The following ZNF676 variants were observed in gnomAD, a reference collection of about 807,000 sequenced individuals.
The protein encoded by ZNF676 is zinc finger protein 676.
Under a neutral mutation model 6.0 loss-of-function variants are expected in ZNF676, and 4 were observed. The observed-to-expected ratio is 0.67, with a 90% confidence interval of 0.33 to 1.53. The LOEUF is 1.53. Ranked by LOEUF, ZNF676 falls within the 40% of genes most tolerant of loss-of-function variation. The pLI, the probability that ZNF676 is intolerant of heterozygous loss-of-function variation, is 0.06. For missense variants in ZNF676, 644 were observed against 679.7 expected, an observed-to-expected ratio of 0.95 and a Z score of 0.58; for synonymous variants, 198 against 223.1, an observed-to-expected ratio of 0.89 and a Z score of 1.00.
the ZNF676 span, among the ~76,000 whole-genome samples, chr19:22,231,712 C>T: frequency 6.6e-6 from 1 of 151,324 alleles, no homozygotes; most frequent in Non-Finnish European, 1.5e-5. Context: ...AAGTGATTCT[C>T]CTGCCTCAGC....
At chr19:22,236,198 C>T in the ZNF676 span, among the ~76,000 whole-genome samples, 1,925 of 149,958 alleles carry the variant, frequency 0.013, 39 homozygotes, top group African/African-American at 0.043. Context: ...TTTGGCTTTT[C>T]CCACCCTAAT....
Position 22,189,339 on chromosome 19 carries a change from T to G in ZNF676, c.130+3677A>C, listed in dbSNP as rs190124871. ...TGAAACTGGACCCCTTCCTTACACC[T>G]TATACAAAAATTAACTCAAATTGAT... On this transcript the variant is annotated intron_variant, in intron 2 of 2. Coordinates refer to ENST00000397121, the MANE Select transcript of ZNF676 (RefSeq NM_001001411.3). 1.4e-3 allele frequency among the ~76,000 whole-genome samples: 216 copies of G among 152,232 alleles called. 1 individual carries two copies. The highest frequency in any genetic ancestry group is 2.4e-3 in the Non-Finnish European group (160 of 68,012).
rs529239131 is a variant in ZNF676 at position 22,181,033 on chromosome 19, T to C, written c.684A>G (p.Glu228=). Residue 228 remains glutamate (E), a synonymous_variant, in exon 3 of 3, where the codon GAA becomes GAG. Coordinates refer to ENST00000397121, the MANE Select transcript of ZNF676 (RefSeq NM_001001411.3). ...IHTGEKPYKC[E]ECGKAFNRSS... ...ATCGATTAAAAGCTTTGCCACATTC[T>C]TCACATTTGTAGGGTTTCTCTCCAG... is the stretch of plus-strand genomic sequence containing the variant. The C allele has an allele frequency of 3.8e-6, 6 of 1,570,914 alleles. No homozygotes were observed. In the East Asian group the frequency reaches 1.4e-4, roughly 37 times the overall value.
intron 1 of ZNF676, among the ~76,000 whole-genome samples, chr19:22,196,158 G>A (rs571674441): frequency 8.5e-5 from 13 of 152,226 alleles, no homozygotes; most frequent in African/African-American, 2.4e-4. Flanking sequence ...GACCAACTCA[G>A]CATTCCACTG....
the ZNF676 span, among the ~76,000 whole-genome samples, chr19:22,241,371 CTG>C: frequency 6.6e-6 from 1 of 151,968 alleles, no homozygotes; most frequent in Non-Finnish European, 1.5e-5. Context: ...CTCCTGAAGA[CTG>C]TGTCCCCTTA....
intron 1 of ZNF676, among the ~76,000 whole-genome samples, chr19:22,213,270 ATT>A (rs111502326): frequency 6.6e-6 from 1 of 151,898 alleles, no homozygotes; most frequent in African/African-American, 2.4e-5. Context: ...TTGGAGTGCT[ATT>A]TTTTTCCACA....
chr19:22,182,755 A>C (rs1168415760), intron 2 of ZNF676, among the ~76,000 whole-genome samples: 2 of 151,846 alleles, frequency 1.3e-5, no homozygotes, highest in African/African-American at 4.8e-5. Context: ...AAGATGCTGA[A>C]AGTAGTTCTT....
At chr19:22,214,617 A>C (rs996496083) in intron 1 of ZNF676, among the ~76,000 whole-genome samples, 3 of 149,198 alleles carry the variant, frequency 2.0e-5, no homozygotes, top group African/African-American at 7.7e-5. Context: ...AAAAAAAAAA[A>C]ATCTAATTCA....
At chr19:22,242,847 G>T in the ZNF676 span, among the ~76,000 whole-genome samples, 1 of 151,734 alleles carries the variant, frequency 6.6e-6, no homozygotes, top group South Asian at 2.1e-4. Flanking sequence ...CCAAGTTGGG[G>T]GGGGGCTCTC....
At chr19:22,235,038 A>AAAAG in the ZNF676 span, among the ~76,000 whole-genome samples, 2 of 150,344 alleles carry the variant, frequency 1.3e-5, no homozygotes, top group African/African-American at 4.9e-5. Context: ...GAAAGAAAAG[A>AAAAG]AAAGAAGGAA....
At chr19:22,235,386 A>G in the ZNF676 span, among the ~76,000 whole-genome samples, 4 of 152,164 alleles carry the variant, frequency 2.6e-5, no homozygotes, top group African/African-American at 9.7e-5. Context: ...CACTCAATAA[A>G]TGGGCCAGAG....
chr19:22,220,077 A>G (rs1381128186), upstream of ZNF676, among the ~76,000 whole-genome samples: 1 of 152,236 alleles, frequency 6.6e-6, no homozygotes, highest in Admixed American at 6.5e-5. Context: ...TGAGATAATC[A>G]TATAATTTTT....
chr19:22,241,613 G>GA, the ZNF676 span, among the ~76,000 whole-genome samples: 16 of 151,340 alleles, frequency 1.1e-4, no homozygotes, highest in Non-Finnish European at 1.9e-4. Context: ...GCCCTGTGAG[G>GA]ACGGTCTCTC....
chr19:22,225,472 A>T, the ZNF676 span, among the ~76,000 whole-genome samples: 7 of 152,222 alleles, frequency 4.6e-5, no homozygotes, highest in South Asian at 1.2e-3. Flanking sequence ...CAATTTATAA[A>T]TAAGATTGTT....
the ZNF676 span, among the ~76,000 whole-genome samples, chr19:22,222,069 A>G: frequency 6.6e-6 from 1 of 152,028 alleles, no homozygotes; most frequent in Non-Finnish European, 1.5e-5. Context: ...GAAAATTTAT[A>G]CTTCTGAAGC....
At position 22,179,674 on chromosome 19, in the gene ZNF676, A is replaced by G; in HGVS notation, c.*276T>C. 1.5e-6 allele frequency: 1 copy of G among 660,932 alleles called. No homozygotes were observed. Among genetic ancestry groups the G allele is most frequent in the Non-Finnish European group, 2.8e-6 (1 of 362,442 alleles). The allele number at this position is 660,932 out of a possible 1,614,324, so 40.9% of individuals were successfully genotyped here. A position where few individuals can be genotyped will look rare whatever the true frequency, so the allele number is the denominator to read the frequency against. On this transcript the variant is annotated 3_prime_UTR_variant, in exon 3 of 3. Coordinates refer to ENST00000397121, the MANE Select transcript of ZNF676 (RefSeq NM_001001411.3). ...AGTAGTAAGGTGTGAGGAACAGTTG[A>G]AGTCTTTATCACATTCTTCGCATTT...
At chr19:22,207,434 G>A (rs1268885965) in intron 1 of ZNF676, among the ~76,000 whole-genome samples, 1 of 152,128 alleles carries the variant, frequency 6.6e-6, no homozygotes, top group Non-Finnish European at 1.5e-5. Flanking sequence ...AATGCTTAAA[G>A]AAGCCAGAGA....
chr19:22,241,438 A>C, the ZNF676 span, among the ~76,000 whole-genome samples: 11 of 151,826 alleles, frequency 7.2e-5, no homozygotes, highest in African/African-American at 2.7e-4. Flanking sequence ...TAACCAACCC[A>C]CCTATGGATC....
At chr19:22,256,204 G>T in the ZNF676 span, among the ~76,000 whole-genome samples, 1 of 152,214 alleles carries the variant, frequency 6.6e-6, no homozygotes, top group Non-Finnish European at 1.5e-5. Context: ...CTGTCGTCTG[G>T]TTTAAGATAT....
Sources: allele counts gnomAD v4.1 joint callset (sites outside exome capture counted in the v4.1 genomes callset), GRCh38; gene constraint gnomAD v4.1.1; transcripts MANE v1.5; gene names NCBI Gene and HGNC (gene_info 2026-07-23, HGNC 2026-07-21).